Variants in PTPRD observed in about 807,000 individuals in gnomAD.
PTPRD encodes protein tyrosine phosphatase receptor type D.
A neutral mutation model predicts 214.5 loss-of-function variants in PTPRD; 34 were observed. That is an observed-to-expected ratio of 0.16 (90% CI 0.12 to 0.21). PTPRD has a LOEUF of 0.21. PTPRD is among the 10% of genes least tolerant of loss of function. The pLI, the probability that PTPRD is intolerant of heterozygous loss-of-function variation, is 1.00. For synonymous variants in PTPRD, 1,128 were observed against 845.7 expected (o/e 1.33, Z -5.79); for missense variants, 2,545 against 2,398.7 (o/e 1.06, Z -1.27).
chr9:9,948,449 T>A (rs2093062229), intron 4 of PTPRD, among the ~76,000 whole-genome samples: 1 of 152,086 alleles, frequency 6.6e-6, no homozygotes, highest in African/African-American at 2.4e-5. Context: ...TCTTACTGAA[T>A]CTTTGGCAAA....
At chr9:10,054,940 T>A (rs1449962742) in intron 3 of PTPRD, among the ~76,000 whole-genome samples, 1 of 152,020 alleles carries the variant, frequency 6.6e-6, no homozygotes, top group African/African-American at 2.4e-5. Flanking sequence ...TTAGACGATG[T>A]CATGAGTGCT....
intron 9 of PTPRD, among the ~76,000 whole-genome samples, chr9:9,184,785 C>A (rs1323922534): frequency 2.0e-5 from 3 of 151,954 alleles, no homozygotes; most frequent in Non-Finnish European, 2.9e-5. Context: ...TACTTACCAT[C>A]CCTCTCTCTG....
At chr9:10,505,170 G>A (rs987539192) in intron 2 of PTPRD, among the ~76,000 whole-genome samples, 3 of 152,080 alleles carry the variant, frequency 2.0e-5, no homozygotes, top group East Asian at 3.9e-4. Flanking sequence ...TGTCCTCCAC[G>A]CTGTGATTTC....
chr9:10,209,178 G>A (rs549733257), intron 3 of PTPRD, among the ~76,000 whole-genome samples: 1 of 152,248 alleles, frequency 6.6e-6, no homozygotes, highest in East Asian at 1.9e-4. Context: ...ACTGCTTTAA[G>A]TATAGAATCA....
chr9:10,060,013 G>T (rs1380415721), intron 3 of PTPRD, among the ~76,000 whole-genome samples: 2 of 151,970 alleles, frequency 1.3e-5, no homozygotes, highest in South Asian at 2.1e-4. Flanking sequence ...ATCAACCAAT[G>T]AAAAAATCTT....
chr9:10,394,998 G>T (rs2098140798), intron 2 of PTPRD, among the ~76,000 whole-genome samples: 1 of 148,750 alleles, frequency 6.7e-6, no homozygotes, highest in African/African-American at 2.5e-5. Flanking sequence ...GTAACACTGG[G>T]TTCTGCTGCC....
intron 14 of PTPRD, among the ~76,000 whole-genome samples, chr9:8,603,884 C>T (rs1011694026): frequency 6.6e-6 from 1 of 152,114 alleles, no homozygotes; most frequent in African/African-American, 2.4e-5. Context: ...AGAAGAAAGG[C>T]TACAATGAAA....
At chr9:8,846,377 G>A (rs898970666) in intron 11 of PTPRD, among the ~76,000 whole-genome samples, 1 of 152,102 alleles carries the variant, frequency 6.6e-6, no homozygotes, top group African/African-American at 2.4e-5. Context: ...AGTAGGAGCT[G>A]GAGATGTCAC....
intron 9 of PTPRD, among the ~76,000 whole-genome samples, chr9:9,215,357 C>A (rs2099951491): frequency 1.3e-5 from 2 of 152,124 alleles, no homozygotes; most frequent in Admixed American, 6.6e-5. Context: ...CACTCAGCCA[C>A]TTACTGAAAA....
chr9:9,337,958 C>A (rs1313398237), intron 9 of PTPRD, among the ~76,000 whole-genome samples: 2 of 152,160 alleles, frequency 1.3e-5, no homozygotes, highest in African/African-American at 4.8e-5. Flanking sequence ...TTCATACATT[C>A]TTTTCCTGTC....
At chr9:9,254,636 T>C (rs1372212377) in intron 9 of PTPRD, among the ~76,000 whole-genome samples, 2 of 152,088 alleles carry the variant, frequency 1.3e-5, no homozygotes, top group Admixed American at 6.6e-5. Flanking sequence ...TTGGAGTTGG[T>C]TCCTCTAACT....
chr9:10,486,366 A>G (rs2099132942), intron 2 of PTPRD, among the ~76,000 whole-genome samples: 1 of 152,134 alleles, frequency 6.6e-6, no homozygotes, highest in South Asian at 2.1e-4. Context: ...TATAAGGTAT[A>G]AGGAAGGGGT....
chr9:10,493,044 A>C (rs1018523180), intron 2 of PTPRD, among the ~76,000 whole-genome samples: 2 of 152,164 alleles, frequency 1.3e-5, no homozygotes, highest in African/African-American at 2.4e-5. Context: ...CTTACAAGAG[A>C]TGTGAGGGAC....
chr9:10,571,226 A>C (rs1375414061), intron 2 of PTPRD, among the ~76,000 whole-genome samples: 1 of 152,140 alleles, frequency 6.6e-6, no homozygotes, highest in Non-Finnish European at 1.5e-5. Flanking sequence ...ATCAGATCAT[A>C]CTTGGGTTTC....
chr9:9,857,413 T>C (rs756510594), intron 5 of PTPRD, among the ~76,000 whole-genome samples: 20 of 152,146 alleles, frequency 1.3e-4, no homozygotes, highest in Non-Finnish European at 2.2e-4. Context: ...GCTTCCTGAA[T>C]AAATGTGCAG....
chr9:8,389,391 G>C lies in PTPRD; in HGVS notation c.4227C>G (p.Asp1409Glu), dbSNP rs1407442542. The part of the protein sequence containing the change: ...LSAIEGIPGS[D>E]YVNANYIDGY... Reference sequence around the variant, plus strand: ...CATCTATGTAGTTGGCATTCACATAGTCACTTCCTGGGATCCCTGGAAAAC... The same window carrying C: ...CATCTATGTAGTTGGCATTCACATACTCACTTCCTGGGATCCCTGGAAAAC... The change falls in exon 37 of 46, where the codon GAC becomes GAG. Residue 1409 changes from aspartate to glutamate, a missense_variant. Asp to Glu is a conservative substitution (Grantham distance 45). Transcript: ENST00000381196. 6 of 1,608,338 alleles carry C rather than the reference G, an allele frequency of 3.7e-6. No homozygotes were observed. The highest frequency in any genetic ancestry group is 3.4e-6 in the Non-Finnish European group (4 of 1,177,548).
At chr9:9,323,476 G>A (rs575740021) in intron 9 of PTPRD, among the ~76,000 whole-genome samples, 24 of 152,218 alleles carry the variant, frequency 1.6e-4, no homozygotes, top group South Asian at 2.1e-4. Flanking sequence ...ATGTCGACCA[G>A]GTCGTCTAAC....
rs528138965 is a variant in PTPRD, at chr9:10,334,302, A to G, written c.-545+6661T>C. Among the ~76,000 whole-genome samples the G allele has an allele frequency of 5.9e-5, 9 of 151,906 alleles. No homozygotes were observed. In the South Asian group the frequency reaches 1.9e-3, roughly 31 times the overall value. ...TTGATAGAATAAATCAGAAAATAAC[A>G]TAATAATACCAATAGATCCAGAAAA... On this transcript the variant is annotated intron_variant, in intron 3 of 45. Transcript: ENST00000381196.
At chr9:10,039,637 G>C (rs1017168885) in intron 3 of PTPRD, among the ~76,000 whole-genome samples, 11 of 151,792 alleles carry the variant, frequency 7.2e-5, no homozygotes, top group Admixed American at 7.2e-4. Context: ...GTGTTCTAAG[G>C]AAAGTCACTA....
Sources: gnomAD v4.1 joint callset for allele counts (sites outside exome capture counted in the v4.1 genomes callset) on GRCh38, gnomAD v4.1.1 for gene constraint, MANE v1.5 for transcripts, NCBI Gene and HGNC (gene_info 2026-07-23, HGNC 2026-07-21) for gene names.